The following RNF220 variants were observed in gnomAD, a reference collection of about 807,000 sequenced individuals.
RNF220 encodes the protein ring finger protein 220, also known as E3 ubiquitin-protein ligase RNF220.
RNF220 carries 7 observed loss-of-function variants against 67.1 expected under a neutral mutation model. The ratio of observed to expected loss-of-function variants is 0.10; its 90% CI spans 0.06 to 0.20. RNF220 has a LOEUF of 0.20. Ranked by LOEUF, RNF220 falls within the 10% of genes least tolerant of loss-of-function variation. The pLI is 1.00. For missense variants in RNF220, 565 were observed against 740.3 expected (o/e 0.76, Z 2.75); for synonymous variants, 270 against 283.2 (o/e 0.95, Z 0.47).
intron 2 of RNF220, among the ~76,000 whole-genome samples, chr1:44,475,298 C>T (rs888490672): frequency 6.6e-6 from 1 of 152,056 alleles, no homozygotes; most frequent in Non-Finnish European, 1.5e-5. Flanking sequence ...AGGCTGGGCG[C>T]GGTGGCTCAT....
At chr1:44,548,408 G>T (rs1662348572) in intron 2 of RNF220, among the ~76,000 whole-genome samples, 1 of 152,128 alleles carries the variant, frequency 6.6e-6, no homozygotes, top group African/African-American at 2.4e-5. Context: ...TTGCACACAA[G>T]ATTTCCTTTA....
Position 44,621,280 on chromosome 1 carries a change from G to A in RNF220, c.759-1462G>A, listed in dbSNP as rs566521044. ...TCTGTGGCCCTGTGCATCTGTATGC[G>A]TGTCTGAGTCTCCAGGTGTGACTGG... is the stretch of plus-strand genomic sequence containing the variant. On this transcript the variant is annotated intron_variant, in intron 3 of 14. Coordinates refer to ENST00000361799, the MANE Select transcript of RNF220 (RefSeq NM_018150.4). This position sits in a 1 kb window ranked among gnomAD's most constrained non-coding sequence, Gnocchi z 4.8. 1.4e-4 allele frequency among the ~76,000 whole-genome samples: 21 copies of A among 152,270 alleles called. No individual in the cohort carries two copies. Among genetic ancestry groups the A allele is most frequent in the Middle Eastern group, 3.4e-3 (1 of 294 alleles).
intron 4 of RNF220, 137 bp from the exon 5 acceptor site, chr1:44,626,156 TAGAA>T: frequency 1.5e-6 from 1 of 649,774 alleles, no homozygotes; most frequent in Non-Finnish European, 2.7e-6. Context: ...CCCATGCCTT[TAGAA>T]TCTCAAGAGT....
At chr1:44,573,189 C>A (rs1572919136) in intron 2 of RNF220, among the ~76,000 whole-genome samples, 1 of 152,284 alleles carries the variant, frequency 6.6e-6, no homozygotes, top group African/African-American at 2.4e-5. Context: ...GATGTGCCAG[C>A]TGCTTCACAT....
At position 44,565,714 on chromosome 1, in the gene RNF220, T is replaced by G. The variant is rs1020665; in HGVS notation, c.626-48451T>G. 0.12 allele frequency among the ~76,000 whole-genome samples: 17,675 copies of G among 152,194 alleles called. 1,311 individuals carry two copies. The highest frequency in any genetic ancestry group is 0.22 in the African/African-American group (8,944 of 41,486). Reference sequence around the variant, plus strand: ...TTTTAGCTGGAGGGGTTTGCATAGATGCTGGGCTAAAGAGATGCTGCTGGA... The same window carrying G: ...TTTTAGCTGGAGGGGTTTGCATAGAGGCTGGGCTAAAGAGATGCTGCTGGA... On this transcript the variant is annotated intron_variant, in intron 2 of 14. Coordinates refer to ENST00000361799, the MANE Select transcript of RNF220 (RefSeq NM_018150.4). This position sits in a 1 kb window ranked among gnomAD's most constrained non-coding sequence, Gnocchi z 4.2.
intron 2 of RNF220, among the ~76,000 whole-genome samples, chr1:44,574,030 A>C (rs556923431): frequency 6.8e-4 from 104 of 152,338 alleles, no homozygotes; most frequent in African/African-American, 2.4e-3. Flanking sequence ...AGGTGGGAGC[A>C]TCACCTGAGC....
chr1:44,596,055 T>C (rs1666462743), intron 2 of RNF220, among the ~76,000 whole-genome samples: 1 of 152,202 alleles, frequency 6.6e-6, no homozygotes, highest in African/African-American at 2.4e-5. Flanking sequence ...TGCGCCGCCA[T>C]GCCTGGCCGA....
At chr1:44,430,701 C>A (rs1047799695) in intron 2 of RNF220, among the ~76,000 whole-genome samples, 4 of 152,176 alleles carry the variant, frequency 2.6e-5, no homozygotes, top group African/African-American at 9.7e-5. Flanking sequence ...CCTGCCACCA[C>A]ACCTGGCTAA....
intron 3 of RNF220, among the ~76,000 whole-genome samples, chr1:44,617,612 C>T (rs1161451426): frequency 6.6e-6 from 1 of 152,220 alleles, no homozygotes; most frequent in Non-Finnish European, 1.5e-5. Flanking sequence ...TGCCCGCTCT[C>T]GGGAAGCCAA....
chr1:44,614,134 ACGCGT>A, intron 2 of RNF220, 26 bp from the exon 3 acceptor site: 1 of 1,613,374 alleles, frequency 6.2e-7, no homozygotes, highest in Non-Finnish European at 8.5e-7. Context: ...AGCCCAGCTT[ACGCGT>A]CTGTCTGTTC....
At chr1:44,514,884 A>G (rs956756006) in intron 2 of RNF220, among the ~76,000 whole-genome samples, 1 of 152,184 alleles carries the variant, frequency 6.6e-6, no homozygotes, top group Non-Finnish European at 1.5e-5. Flanking sequence ...CATGCTCCAG[A>G]TGCAAAGATT....
chr1:44,513,860 T>C (rs571158489), intron 2 of RNF220, among the ~76,000 whole-genome samples: 2 of 152,290 alleles, frequency 1.3e-5, no homozygotes, highest in African/African-American at 2.4e-5. Context: ...GGGCATCTTA[T>C]GCCACATCGC....
At chr1:44,641,113 A>G (rs565403646) in intron 8 of RNF220, among the ~76,000 whole-genome samples, 1 of 152,280 alleles carries the variant, frequency 6.6e-6, no homozygotes, top group South Asian at 2.1e-4. Context: ...CGTTTTTATA[A>G]AACGTAGACC....
chr1:44,468,964 G>C (rs905718017), intron 2 of RNF220, among the ~76,000 whole-genome samples: 4 of 151,848 alleles, frequency 2.6e-5, no homozygotes, highest in Admixed American at 1.3e-4. Flanking sequence ...AATATCAGAA[G>C]ATCAACAACA....
At chr1:44,552,255 G>C (rs116557858) in intron 2 of RNF220, among the ~76,000 whole-genome samples, 1 of 152,082 alleles carries the variant, frequency 6.6e-6, no homozygotes, top group South Asian at 2.1e-4. Context: ...GTGGCGGCTC[G>C]TGCCTGTAAG....
chr1:44,469,675 G>A (rs770854455), intron 2 of RNF220, among the ~76,000 whole-genome samples: 1 of 152,228 alleles, frequency 6.6e-6, no homozygotes, highest in Non-Finnish European at 1.5e-5. Flanking sequence ...AACTGTAGCA[G>A]GCACTGTGAA....
At chr1:44,552,563 CTTCTTTTTTTTT>C (rs1376436120) in intron 2 of RNF220, among the ~76,000 whole-genome samples, 3 of 71,330 alleles carry the variant, frequency 4.2e-5, no homozygotes, top group Non-Finnish European at 7.9e-5. Context: ...TTCTAAACTT[CTTCTTTTTTTTT>C]TTTTTTTTTT....
chr1:44,602,042 G>T (rs2148400660), intron 2 of RNF220, among the ~76,000 whole-genome samples: 1 of 152,094 alleles, frequency 6.6e-6, no homozygotes, highest in Non-Finnish European at 1.5e-5. Context: ...GGAAGAGGGA[G>T]GAGCAAGTTA....
At chr1:44,460,152 G>A (rs1538883) in intron 2 of RNF220, among the ~76,000 whole-genome samples, 3,922 of 152,308 alleles carry the variant, frequency 0.026, 185 homozygotes, top group African/African-American at 0.09. Context: ...CTCGTCTCAC[G>A]GGGTGAGGGA....
Sources: gnomAD v4.1 joint callset for allele counts (sites outside exome capture counted in the v4.1 genomes callset) on GRCh38, gnomAD v4.1.1 for gene constraint, Gnocchi (gnomAD v3.1) non-coding constraint, MANE v1.5 for transcripts, NCBI Gene and HGNC (gene_info 2026-07-23, HGNC 2026-07-21) for gene names.